Variants in QDPR observed in about 807,000 individuals in gnomAD.
The protein encoded by QDPR is quinoid dihydropteridine reductase.
QDPR carries 23 observed loss-of-function variants against 31.7 expected under a neutral mutation model. The observed-to-expected ratio is 0.73, with a 90% CI of 0.52 to 1.03. The LOEUF is 1.03. Ranked by LOEUF, QDPR falls within the 50% of genes least tolerant of loss-of-function variation. The probability of loss-of-function intolerance (pLI) is 0.00; values close to 1 mark genes in which losing one functional copy is unlikely to be tolerated. For synonymous variants in QDPR, 124 were observed against 124.7 expected (o/e 0.99, Z 0.03); for missense variants, 324 against 323.8 (o/e 1.00, Z 0.00).
intron 6 of QDPR, among the ~76,000 whole-genome samples, chr4:17,487,464 A>C (rs13137081): frequency 3.2e-4 from 46 of 141,546 alleles, no homozygotes; most frequent in Non-Finnish European, 5.9e-4. Context: ...AGCCTGGCCA[A>C]TATGATGAAA....
chr4:17,510,772 G>T (rs910778417), intron 1 of QDPR, among the ~76,000 whole-genome samples: 7 of 152,194 alleles, frequency 4.6e-5, no homozygotes, highest in African/African-American at 1.4e-4. Context: ...CTCTGGTACT[G>T]GGAACACAGT....
intron 1 of QDPR, among the ~76,000 whole-genome samples, chr4:17,511,178 C>G (rs990890468): frequency 1.2e-4 from 19 of 152,268 alleles, no homozygotes; most frequent in African/African-American, 4.6e-4. Flanking sequence ...AGAACGCTGC[C>G]GCTGGCAGTG....
intron 4 of QDPR, among the ~76,000 whole-genome samples, chr4:17,493,677 C>T (rs911031152): frequency 3.3e-5 from 5 of 152,116 alleles, no homozygotes; most frequent in African/African-American, 9.7e-5. Flanking sequence ...GGAACTTCCA[C>T]GCCTGCTCCA....
chr4:17,487,691 T>C (rs1718016696), intron 6 of QDPR, among the ~76,000 whole-genome samples: 2 of 143,054 alleles, frequency 1.4e-5, no homozygotes, highest in East Asian at 2.2e-4. Context: ...GGTCAGGCAT[T>C]ATGGCTCACC....
intron 3 of QDPR, among the ~76,000 whole-genome samples, 199 bp from the exon 4 acceptor site, chr4:17,502,058 T>C (rs1718584762): frequency 6.6e-6 from 1 of 152,208 alleles, no homozygotes; most frequent in Non-Finnish European, 1.5e-5. Context: ...TTGCCTGAGG[T>C]TCAGCTTCCT....
intron 3 of QDPR, among the ~76,000 whole-genome samples, chr4:17,503,216 T>C (rs980709016): frequency 2.6e-5 from 4 of 152,196 alleles, no homozygotes; most frequent in African/African-American, 4.8e-5. Flanking sequence ...AAAAGTCTTA[T>C]CACAGGGGAT....
At chr4:17,499,747 C>G (rs1479091824) in intron 4 of QDPR, among the ~76,000 whole-genome samples, 3 of 152,150 alleles carry the variant, frequency 2.0e-5, no homozygotes, top group Non-Finnish European at 4.4e-5. Context: ...TAGCGAGACC[C>G]TGCTTCTACA....
At chr4:17,497,415 C>G (rs1369661978) in intron 4 of QDPR, among the ~76,000 whole-genome samples, 1 of 150,748 alleles carries the variant, frequency 6.6e-6, no homozygotes, top group Non-Finnish European at 1.5e-5. Context: ...GTGGACTCAC[C>G]CCCACCAAGA....
chr4:17,487,147 G>T lies in QDPR; in HGVS notation c.719C>A (p.Thr240Asn). The T allele has an allele frequency of 6.2e-7, 1 of 1,614,120 alleles. No individual in the cohort carries two copies. The highest frequency in any genetic ancestry group is 8.5e-7 in the Non-Finnish European group (1 of 1,179,984). ...VVTTEGRTEL[T>N]PAYF ...AGATGAGGCCTAAAAATATGCTGGG[G>T]TGAGTTCCGTCCTTCCTTCTGTGGT... The change falls in exon 7 of 7, where the codon ACC becomes AAC. Residue 240 changes from threonine (T) to asparagine (N), a missense_variant. Thr to Asn is a moderately conservative substitution (Grantham distance 65). Coordinates refer to ENST00000281243, the MANE Select transcript of QDPR (RefSeq NM_000320.3).
intron 6 of QDPR, 60 bp from the exon 7 acceptor site, chr4:17,487,296 G>T: frequency 7.8e-7 from 1 of 1,287,626 alleles, no homozygotes; most frequent in Non-Finnish European, 1.1e-6. Context: ...GGCACATGCT[G>T]ACCTTCACAG....
At chr4:17,501,046 T>C (rs948655373) in intron 4 of QDPR, among the ~76,000 whole-genome samples, 55 of 152,200 alleles carry the variant, frequency 3.6e-4, no homozygotes, top group African/African-American at 1.3e-3. Flanking sequence ...CTCTACAGTT[T>C]TACAGTACTC....
At chr4:17,511,557 G>T (rs1016506827) in intron 1 of QDPR, among the ~76,000 whole-genome samples, 1 of 152,194 alleles carries the variant, frequency 6.6e-6, no homozygotes. Flanking sequence ...GTCCTACGGC[G>T]TTAGGTAATC....
chr4:17,494,120 C>T (rs1577186929), intron 4 of QDPR, among the ~76,000 whole-genome samples: 1 of 152,244 alleles, frequency 6.6e-6, no homozygotes, highest in East Asian at 1.9e-4. Context: ...TTGGAATCCT[C>T]AGTTTCCCAT....
intron 3 of QDPR, among the ~76,000 whole-genome samples, chr4:17,503,283 A>G (rs532631788): frequency 6.6e-6 from 1 of 152,370 alleles, no homozygotes; most frequent in South Asian, 2.1e-4. Context: ...ATAATGCAGT[A>G]CATAAACCTT....
At chr4:17,496,682 C>T (rs1452392494) in intron 4 of QDPR, among the ~76,000 whole-genome samples, 3 of 151,194 alleles carry the variant, frequency 2.0e-5, no homozygotes, top group African/African-American at 7.3e-5. Context: ...GTTGCCCAGG[C>T]TAGAGTGCAA....
In QDPR at chr4:17,500,641, T is replaced by C. The variant is rs571983690; in HGVS notation, c.436+1078A>G. The stretch of plus-strand genomic sequence containing the variant: ...ATTCAGAAGGAGCCAGCCCTGCAGA[T>C]ACCTTGATCTCCAGACTTTTAGCCT... On this transcript the variant is annotated intron_variant, in intron 4 of 6. Transcript: ENST00000281243. Among the ~76,000 whole-genome samples the C allele has an allele frequency of 2.2e-4, 34 of 152,310 alleles. 1 individual carries two copies. The highest frequency in any genetic ancestry group is 1.2e-3 in the South Asian group (6 of 4,826).
chr4:17,504,601 C>T, intron 2 of QDPR, 126 bp from the exon 3 acceptor site: 1 of 784,004 alleles, frequency 1.3e-6, no homozygotes, highest in Non-Finnish European at 2.2e-6. Context: ...GCAATTAATG[C>T]TTTGAGAATT....
rs559547286 is a variant in QDPR at position 17,503,443 on chromosome 4, C to T, written c.295+936G>A. Among the ~76,000 whole-genome samples, 64 of 152,270 alleles carry T rather than the reference C, an allele frequency of 4.2e-4. 2 individuals are homozygous for T. In the South Asian group the frequency reaches 0.012, roughly 30 times the overall value. ...CATAATAATGTAGGACGGGCTTATT[C>T]TTTGGAGAAACACGCGGAAATATAG... On this transcript the variant is annotated intron_variant, in intron 3 of 6. Coordinates refer to ENST00000281243, the MANE Select transcript of QDPR (RefSeq NM_000320.3).
intron 1 of QDPR, chr4:17,510,024 C>T (rs764976955): frequency 2.2e-6 from 1 of 451,102 alleles, no homozygotes; most frequent in South Asian, 1.6e-5. Flanking sequence ...AAAATAAGTG[C>T]AGCTGTGTTC....
Sources: gnomAD v4.1 joint callset for allele counts (sites outside exome capture counted in the v4.1 genomes callset) on GRCh38, gnomAD v4.1.1 for gene constraint, MANE v1.5 for transcripts, NCBI Gene and HGNC (gene_info 2026-07-23, HGNC 2026-07-21) for gene names.